ERC2: variants seen among roughly 807,000 people sequenced by gnomAD.
The protein encoded by ERC2 is ERC protein 2.
In ERC2, 42 loss-of-function variants were observed where a neutral mutation model predicts 114.8. The observed-to-expected ratio is 0.37, with a 90% CI of 0.29 to 0.47. The LOEUF is 0.47. Among genes scored for constraint, ERC2 ranks in the 20% least tolerant of loss-of-function variants. ERC2 has a pLI of 0.99. For synonymous variants in ERC2, 454 were observed against 425.5 expected, an observed-to-expected ratio of 1.07 and a Z score of -0.82; for missense variants, 939 against 1,150.7, an observed-to-expected ratio of 0.82 and a Z score of 2.66.
At chr3:56,317,715 A>G (rs13061518) in intron 2 of ERC2, among the ~76,000 whole-genome samples, 33,346 of 152,142 alleles carry the variant, frequency 0.22, 4,313 homozygotes, top group Non-Finnish European at 0.28. Flanking sequence ...ACCTGACCTC[A>G]TAGAAGTTAG....
chr3:55,817,631 T>C (rs964024884), intron 14 of ERC2, among the ~76,000 whole-genome samples: 1 of 152,236 alleles, frequency 6.6e-6, no homozygotes, highest in African/African-American at 2.4e-5. Flanking sequence ...GTTATCTCCT[T>C]GGGCTCAGGG....
intron 7 of ERC2, among the ~76,000 whole-genome samples, chr3:56,023,046 T>C (rs1014602489): frequency 3.3e-5 from 5 of 152,190 alleles, no homozygotes; most frequent in Non-Finnish European, 7.3e-5. Context: ...CAAGAATTAA[T>C]GGGGTCCTTA....
intron 12 of ERC2, among the ~76,000 whole-genome samples, chr3:55,966,759 C>T (rs2068776026): frequency 6.6e-6 from 1 of 152,052 alleles, no homozygotes; most frequent in Non-Finnish European, 1.5e-5. Flanking sequence ...ATAATCCTAC[C>T]ACCAAAAAGA....
intron 6 of ERC2, among the ~76,000 whole-genome samples, chr3:56,130,460 A>G (rs1354982062): frequency 6.6e-6 from 1 of 152,224 alleles, no homozygotes; most frequent in East Asian, 1.9e-4. Flanking sequence ...ACATTTACGT[A>G]TTTCACAGTT....
At chr3:55,604,633 T>C (rs570905517) in intron 17 of ERC2, among the ~76,000 whole-genome samples, 6 of 152,268 alleles carry the variant, frequency 3.9e-5, no homozygotes, top group Admixed American at 3.9e-4. Flanking sequence ...CCAGGCCTTG[T>C]AGGCTTGAGC....
chr3:55,523,610 A>C (rs1001712404), intron 17 of ERC2, among the ~76,000 whole-genome samples: 1 of 152,168 alleles, frequency 6.6e-6, no homozygotes, highest in Non-Finnish European at 1.5e-5. Flanking sequence ...GCAACTTGGC[A>C]TCAGACATTT....
At chr3:55,613,994 A>G (rs1240565965) in intron 17 of ERC2, among the ~76,000 whole-genome samples, 8 of 149,356 alleles carry the variant, frequency 5.4e-5, no homozygotes, top group African/African-American at 2.0e-4. Flanking sequence ...AAAAAAAAAA[A>G]AAAAAAAAAA....
chr3:56,438,756 G>C (rs560497426), intron 1 of ERC2, among the ~76,000 whole-genome samples: 1 of 152,098 alleles, frequency 6.6e-6, no homozygotes, highest in African/African-American at 2.4e-5. Context: ...TCTGAGGTCT[G>C]TGGCTAGGCT....
intron 3 of ERC2, among the ~76,000 whole-genome samples, chr3:56,280,320 A>G (rs1023927874): frequency 2.0e-5 from 3 of 152,220 alleles, no homozygotes; most frequent in Non-Finnish European, 4.4e-5. Context: ...TCTGATCCCC[A>G]GGACTGTACA....
chr3:56,285,217 C>A (rs553054957), intron 3 of ERC2, among the ~76,000 whole-genome samples: 33 of 151,594 alleles, frequency 2.2e-4, no homozygotes, highest in Non-Finnish European at 4.6e-4. Context: ...AAGTTTCAAG[C>A]AGATGGGGCT....
intron 14 of ERC2, among the ~76,000 whole-genome samples, chr3:55,810,172 T>C (rs1005434032): frequency 3.9e-5 from 6 of 152,190 alleles, no homozygotes; most frequent in African/African-American, 1.4e-4. Context: ...GCTCCTTTTT[T>C]TTCTTTTTTG....
At chr3:55,584,932 G>A (rs960316404) in intron 17 of ERC2, among the ~76,000 whole-genome samples, 3 of 152,272 alleles carry the variant, frequency 2.0e-5, no homozygotes, top group East Asian at 1.9e-4. Flanking sequence ...AATGGACAAC[G>A]AGAACCAGAC....
intron 6 of ERC2, among the ~76,000 whole-genome samples, chr3:56,126,747 C>G (rs181166878): frequency 7.5e-6 from 1 of 133,696 alleles, no homozygotes; most frequent in African/African-American, 2.9e-5. Context: ...AGAGTGAGAT[C>G]TTGTAAGAAA....
chr3:55,851,986 G>A (rs900902331), intron 14 of ERC2, among the ~76,000 whole-genome samples: 4 of 152,238 alleles, frequency 2.6e-5, no homozygotes, highest in African/African-American at 7.2e-5. Context: ...ACTTTGGGAG[G>A]CCAGGCGGGT....
intron 7 of ERC2, among the ~76,000 whole-genome samples, chr3:56,029,593 A>T (rs2074253921): frequency 6.6e-6 from 1 of 152,064 alleles, no homozygotes. Flanking sequence ...ATTTCTACTA[A>T]ACTGTCATAT....
At chr3:56,246,093 TAAAAAAAA>T (rs34868223) in intron 3 of ERC2, among the ~76,000 whole-genome samples, 2 of 127,626 alleles carry the variant, frequency 1.6e-5, no homozygotes, top group African/African-American at 2.8e-5. Flanking sequence ...TCAGATTCTT[TAAAAAAAA>T]AAAAAAAAAA....
intron 3 of ERC2, among the ~76,000 whole-genome samples, chr3:56,273,200 C>T (rs1033723907): frequency 9.9e-5 from 15 of 151,678 alleles, no homozygotes; most frequent in Non-Finnish European, 4.4e-5. Context: ...TGAACAGAGG[C>T]ATTAGCAAAT....
chr3:56,057,616 G>A (rs1158677967), intron 7 of ERC2, among the ~76,000 whole-genome samples: 1 of 152,176 alleles, frequency 6.6e-6, no homozygotes, highest in Admixed American at 6.5e-5. Context: ...AATCCAAACA[G>A]TACCTACCTC....
chr3:55,768,034 C>A (rs550283054), intron 14 of ERC2, among the ~76,000 whole-genome samples: 1 of 152,098 alleles, frequency 6.6e-6, no homozygotes, highest in South Asian at 2.1e-4. Flanking sequence ...AAGTGTGTAG[C>A]ACCTCCTTCT....
Sources: gnomAD v4.1 joint callset for allele counts (sites outside exome capture counted in the v4.1 genomes callset) on GRCh38, gnomAD v4.1.1 for gene constraint, MANE v1.5 for transcripts, NCBI Gene and HGNC (gene_info 2026-07-23, HGNC 2026-07-21) for gene names.